KHDRBS2: variants seen among roughly 807,000 people sequenced by gnomAD.
KHDRBS2 encodes KH domain-containing, RNA-binding, signal transduction-associated protein 2.
In KHDRBS2, 26 loss-of-function variants were observed where a neutral mutation model predicts 44.3. That is an observed-to-expected ratio of 0.59 (90% CI 0.43 to 0.81). The LOEUF (loss-of-function observed/expected upper bound fraction) is 0.81. Among genes scored for constraint, KHDRBS2 ranks in the 40% least tolerant of loss-of-function variants. The pLI is 0.00. For synonymous variants in KHDRBS2, 194 were observed against 151.1 expected, an observed-to-expected ratio of 1.28 and a Z score of -2.08; for missense variants, 476 against 433.1, an observed-to-expected ratio of 1.10 and a Z score of -0.88.
At chr6:62,172,183 T>C (rs1415502600) in intron 2 of KHDRBS2, among the ~76,000 whole-genome samples, 1 of 152,048 alleles carries the variant, frequency 6.6e-6, no homozygotes, top group Admixed American at 6.6e-5. Context: ...AAGAGACCCA[T>C]CTCACATGCA....
intron 4 of KHDRBS2, among the ~76,000 whole-genome samples, chr6:61,973,221 CA>C (rs1486719328): frequency 6.6e-6 from 1 of 152,156 alleles, no homozygotes; most frequent in African/African-American, 2.4e-5. Context: ...TTATATTTAT[CA>C]TCTTCTAAAA....
chr6:62,222,633 C>T (rs1055345584), intron 1 of KHDRBS2, among the ~76,000 whole-genome samples: 4 of 152,048 alleles, frequency 2.6e-5, no homozygotes, highest in African/African-American at 4.8e-5. Flanking sequence ...CATATCATAC[C>T]TCCCCTGGCC....
At chr6:62,253,589 T>C (rs1396015207) in intron 1 of KHDRBS2, among the ~76,000 whole-genome samples, 1 of 150,830 alleles carries the variant, frequency 6.6e-6, no homozygotes, top group Non-Finnish European at 1.5e-5. Context: ...TCTTTTCCTC[T>C]AAAAAAAAAT....
chr6:62,066,211 T>C (rs1277083755), intron 2 of KHDRBS2, among the ~76,000 whole-genome samples: 3 of 151,744 alleles, frequency 2.0e-5, no homozygotes, highest in Admixed American at 2.0e-4. Flanking sequence ...GCAAACCCTA[T>C]TTTTTCAGCC....
At chr6:62,251,207 C>T (rs1245096735) in intron 1 of KHDRBS2, among the ~76,000 whole-genome samples, 3 of 151,520 alleles carry the variant, frequency 2.0e-5, no homozygotes, top group African/African-American at 7.3e-5. Flanking sequence ...AGAAAAGTAG[C>T]TTTCATATTT....
At chr6:62,053,121 A>G (rs1456050748) in intron 2 of KHDRBS2, among the ~76,000 whole-genome samples, 1 of 152,198 alleles carries the variant, frequency 6.6e-6, no homozygotes, top group African/African-American at 2.4e-5. Context: ...TATATACAAT[A>G]AAATGTATTA....
At position 61,808,120 on chromosome 6, in the gene KHDRBS2, C is replaced by T. The variant is rs146752805; in HGVS notation, c.811-75356G>A. 4.6e-4 allele frequency among the ~76,000 whole-genome samples: 70 copies of T among 152,146 alleles called. No individual in the cohort carries two copies. In the East Asian group the frequency reaches 9.7e-3, roughly 21 times the overall value. On this transcript the variant is annotated intron_variant, in intron 6 of 8. Transcript: ENST00000281156. The stretch of plus-strand genomic sequence containing the variant: ...TGGCAAACCTATTTACTTATTTAAG[C>T]TTTATTTAAAATGATTTTAAATATA...
intron 2 of KHDRBS2, among the ~76,000 whole-genome samples, chr6:62,098,014 A>C (rs868387881): frequency 6.6e-6 from 1 of 152,144 alleles, no homozygotes; most frequent in Non-Finnish European, 1.5e-5. Flanking sequence ...AACAAACAAA[A>C]AAAGTCTACA....
intron 6 of KHDRBS2, among the ~76,000 whole-genome samples, chr6:61,767,189 A>G (rs1780140045): frequency 6.6e-6 from 1 of 152,024 alleles, no homozygotes; most frequent in Non-Finnish European, 1.5e-5. Flanking sequence ...TGAGTTGACC[A>G]CTTTATCATT....
chr6:61,584,880 AT>A, the KHDRBS2 span, among the ~76,000 whole-genome samples: 6,764 of 151,970 alleles, frequency 0.045, 154 homozygotes, highest in East Asian at 0.086. Context: ...TTAAAGCGTA[AT>A]TTTTGAAAGC....
At chr6:61,775,225 TG>T (rs1781747903) in intron 6 of KHDRBS2, among the ~76,000 whole-genome samples, 1 of 151,850 alleles carries the variant, frequency 6.6e-6, no homozygotes, top group Non-Finnish European at 1.5e-5. Flanking sequence ...CCTTTGAAAA[TG>T]GGCACAAGAC....
chr6:62,096,400 T>C lies in KHDRBS2; in HGVS notation c.220-48406A>G, dbSNP rs144597681. ...ACTTTTTATTTCTTATTAATTTTCA[T>C]TCATTTTTGGTCTTATAAGATTATC... On this transcript the variant is annotated intron_variant, in intron 2 of 8. Transcript: ENST00000281156. 1.8e-4 allele frequency among the ~76,000 whole-genome samples: 28 copies of C among 152,004 alleles called. No homozygotes were observed. In the Middle Eastern group the frequency reaches 0.01, roughly 55 times the overall value.
At chr6:62,109,672 C>T (rs1232987281) in intron 2 of KHDRBS2, among the ~76,000 whole-genome samples, 1 of 151,190 alleles carries the variant, frequency 6.6e-6, no homozygotes, top group Non-Finnish European at 1.5e-5. Flanking sequence ...GTTACAATAG[C>T]ATCTAAAAAT....
At chr6:61,553,104 G>T in the KHDRBS2 span, among the ~76,000 whole-genome samples, 2 of 152,180 alleles carry the variant, frequency 1.3e-5, no homozygotes, top group African/African-American at 2.4e-5. Flanking sequence ...ACAAGTGGTT[G>T]AATTCAACTG....
chr6:61,841,954 A>G (rs1490888498), intron 6 of KHDRBS2, among the ~76,000 whole-genome samples: 2 of 152,168 alleles, frequency 1.3e-5, no homozygotes, highest in African/African-American at 4.8e-5. Context: ...TTATGGTTGC[A>G]GTTTATGAGC....
At chr6:61,687,229 C>T (rs1766916660) in intron 8 of KHDRBS2, among the ~76,000 whole-genome samples, 2 of 151,782 alleles carry the variant, frequency 1.3e-5, no homozygotes, top group African/African-American at 4.8e-5. Flanking sequence ...TTTGAGTTCA[C>T]CATCATTTGT....
rs558315182 is a variant in KHDRBS2, at chr6:62,222,992, G to A, written c.92-45680C>T. Among the ~76,000 whole-genome samples the A allele has an allele frequency of 1.8e-4, 28 of 152,256 alleles. No homozygotes were observed. The Middle Eastern group carries it at 0.01, about 55-fold the overall frequency. ...CTGTCAGTGGATCTACCATTCTGGG[G>A]TCTGGAGGACAGTGACCCTCTTCTC... On this transcript the variant is annotated intron_variant, in intron 1 of 8. Transcript: ENST00000281156.
At chr6:62,241,258 C>T (rs1344769599) in intron 1 of KHDRBS2, among the ~76,000 whole-genome samples, 1 of 152,036 alleles carries the variant, frequency 6.6e-6, no homozygotes, top group Non-Finnish European at 1.5e-5. Flanking sequence ...GACAGTGAAA[C>T]TACATATCGT....
At chr6:61,929,941 G>A (rs544296655) in intron 4 of KHDRBS2, among the ~76,000 whole-genome samples, 49 of 152,062 alleles carry the variant, frequency 3.2e-4, no homozygotes, top group Non-Finnish European at 5.6e-4. Flanking sequence ...TGGTCTGAAT[G>A]TGCCTGCCAA....
Sources: allele counts gnomAD v4.1 joint callset (sites outside exome capture counted in the v4.1 genomes callset), GRCh38; gene constraint gnomAD v4.1.1; transcripts MANE v1.5; gene names NCBI Gene and HGNC (gene_info 2026-07-23, HGNC 2026-07-21).